NRXN1: variants seen among roughly 807,000 people sequenced by gnomAD.
NRXN1 encodes the protein neurexin 1.
Under a neutral mutation model 150.9 loss-of-function variants are expected in NRXN1, and 39 were observed. The ratio of observed to expected loss-of-function variants is 0.26; its 90% CI spans 0.20 to 0.34. NRXN1 has a LOEUF of 0.34. Ranked by LOEUF, NRXN1 falls within the 10% of genes least tolerant of loss-of-function variation. The pLI is 1.00. For missense variants in NRXN1, 1,815 were observed against 1,949.9 expected (o/e 0.93, Z 1.30); for synonymous variants, 924 against 757.0 (o/e 1.22, Z -3.62).
At chr2:50,547,178 A>C (rs1462396823) in intron 9 of NRXN1, among the ~76,000 whole-genome samples, 1 of 152,150 alleles carries the variant, frequency 6.6e-6, no homozygotes, top group Admixed American at 6.6e-5. Flanking sequence ...CTTAGCTGTT[A>C]AATGTAGGCT....
At chr2:50,889,780 T>C (rs998368552) in intron 5 of NRXN1, among the ~76,000 whole-genome samples, 1 of 151,644 alleles carries the variant, frequency 6.6e-6, no homozygotes, top group African/African-American at 2.4e-5. Flanking sequence ...TAAAATGTTA[T>C]AAAACAAATT....
intron 5 of NRXN1, among the ~76,000 whole-genome samples, chr2:50,695,554 A>T (rs1350207999): frequency 6.6e-6 from 1 of 152,190 alleles, no homozygotes; most frequent in Non-Finnish European, 1.5e-5. Context: ...TTTCCATTTG[A>T]CAAAGAGATT....
chr2:50,091,744 G>A (rs1699611023), intron 18 of NRXN1, among the ~76,000 whole-genome samples: 1 of 152,174 alleles, frequency 6.6e-6, no homozygotes, highest in South Asian at 2.1e-4. Flanking sequence ...CTTCTTCCCA[G>A]AGGTTGTCAC....
rs576594139 is a variant in NRXN1, at chr2:50,961,813, C to T, written c.773-35858G>A. On this transcript the variant is annotated intron_variant, in intron 2 of 22. Coordinates refer to ENST00000401669, the MANE Select transcript of NRXN1 (RefSeq NM_001330078.2). ...CAACAAGGAGGGATTTTGTTAATTC[C>T]TTTCCTCATAATATTATCATTTGTA... 1.7e-3 allele frequency among the ~76,000 whole-genome samples: 264 copies of T among 151,704 alleles called. 2 individuals are homozygous for T. The highest frequency in any genetic ancestry group is 6.0e-3 in the African/African-American group (248 of 41,452).
chr2:50,660,817 A>T (rs1687191160), intron 5 of NRXN1, among the ~76,000 whole-genome samples: 4 of 151,996 alleles, frequency 2.6e-5, no homozygotes. Context: ...AATATATCCA[A>T]CAAATATATA....
chr2:50,134,163 C>G lies in NRXN1; in HGVS notation c.3547-42669G>C, dbSNP rs553325154. Among the ~76,000 whole-genome samples, 2 of 150,490 alleles carry G rather than the reference C, an allele frequency of 1.3e-5. 1 individual carries two copies. Among genetic ancestry groups the G allele is most frequent in the African/African-American group, 4.9e-5 (2 of 40,988 alleles). ...TAAGTCAATCAGTAAAGGAATATAA[C>G]TATAGACATGCACTGTGTGATCTGG... On this transcript the variant is annotated intron_variant, in intron 18 of 22. Transcript: ENST00000401669.
intron 5 of NRXN1, among the ~76,000 whole-genome samples, chr2:50,867,718 A>G (rs1369940883): frequency 6.6e-6 from 1 of 151,844 alleles, no homozygotes; most frequent in Non-Finnish European, 1.5e-5. Flanking sequence ...GTATTTTAAA[A>G]AGCACTTTGG....
chr2:50,256,193 C>A (rs2067682271), intron 17 of NRXN1, among the ~76,000 whole-genome samples: 1 of 152,072 alleles, frequency 6.6e-6, no homozygotes, highest in Admixed American at 6.6e-5. Flanking sequence ...AAGCAATTTG[C>A]AAGAATTAAA....
chr2:51,012,798 A>C (rs1472855203), intron 2 of NRXN1, among the ~76,000 whole-genome samples: 1 of 152,078 alleles, frequency 6.6e-6, no homozygotes, highest in East Asian at 1.9e-4. Context: ...GAAACCAAAA[A>C]CATGACAGAA....
At chr2:50,716,454 T>G (rs1439256172) in intron 5 of NRXN1, among the ~76,000 whole-genome samples, 1 of 151,986 alleles carries the variant, frequency 6.6e-6, no homozygotes, top group Non-Finnish European at 1.5e-5. Context: ...TAAGTAATAA[T>G]GAAAAATAAA....
intron 5 of NRXN1, among the ~76,000 whole-genome samples, chr2:50,788,868 G>C (rs1031704190): frequency 6.6e-6 from 1 of 152,138 alleles, no homozygotes; most frequent in African/African-American, 2.4e-5. Context: ...ACTATGATAA[G>C]GGTAACCGAG....
At chr2:50,184,994 C>T (rs992124935) in intron 18 of NRXN1, among the ~76,000 whole-genome samples, 1 of 152,068 alleles carries the variant, frequency 6.6e-6, no homozygotes, top group Non-Finnish European at 1.5e-5. Context: ...CTCTTCATTA[C>T]ATAGTATTAC....
chr2:50,901,768 AG>A (rs1365845108), intron 5 of NRXN1, among the ~76,000 whole-genome samples: 1 of 152,192 alleles, frequency 6.6e-6, no homozygotes, highest in Admixed American at 6.5e-5. Flanking sequence ...AACAATCCAA[AG>A]AAACTGCCAA....
chr2:50,664,757 A>G (rs1035698823), intron 5 of NRXN1, among the ~76,000 whole-genome samples: 2 of 151,426 alleles, frequency 1.3e-5, no homozygotes, highest in Non-Finnish European at 2.9e-5. Context: ...TGACATAATA[A>G]AAGATGGAGT....
chr2:50,856,661 T>C (rs1252343801), intron 5 of NRXN1, among the ~76,000 whole-genome samples: 2 of 152,120 alleles, frequency 1.3e-5, no homozygotes, highest in African/African-American at 4.8e-5. Context: ...CAGGTATTCC[T>C]TTTTAATTGT....
chr2:50,063,770 T>C (rs10166472), intron 19 of NRXN1, among the ~76,000 whole-genome samples: 95,140 of 152,002 alleles, frequency 0.63, 29,984 homozygotes, highest in Middle Eastern at 0.68. Flanking sequence ...ATGTAATTGA[T>C]TCTAGATTCT....
chr2:50,932,518 A>G (rs1461341245), intron 2 of NRXN1, among the ~76,000 whole-genome samples: 1 of 152,036 alleles, frequency 6.6e-6, no homozygotes, highest in African/African-American at 2.4e-5. Context: ...GTTCCCACTT[A>G]CAAGTGGGAA....
intron 17 of NRXN1, among the ~76,000 whole-genome samples, chr2:50,442,762 T>A (rs931596316): frequency 6.6e-6 from 1 of 152,164 alleles, no homozygotes; most frequent in South Asian, 2.1e-4. Context: ...AATCATGTCC[T>A]GTGAAACATC....
intron 5 of NRXN1, among the ~76,000 whole-genome samples, chr2:50,746,728 C>G (rs1308406438): frequency 6.6e-6 from 1 of 152,100 alleles, no homozygotes; most frequent in African/African-American, 2.4e-5. Flanking sequence ...TGAGTCATCC[C>G]CCTTGTCAGA....
Sources: allele counts gnomAD v4.1 joint callset (sites outside exome capture counted in the v4.1 genomes callset), GRCh38; gene constraint gnomAD v4.1.1; transcripts MANE v1.5; gene names NCBI Gene and HGNC (gene_info 2026-07-23, HGNC 2026-07-21).